Variants in LDLRAD4 observed in about 807,000 individuals in gnomAD.
The protein encoded by LDLRAD4 is low-density lipoprotein receptor class A domain-containing protein 4.
In LDLRAD4, 5 loss-of-function variants were observed where a neutral mutation model predicts 17.0. The observed-to-expected ratio is 0.29, with a 90% CI of 0.15 to 0.62. The LOEUF (loss-of-function observed/expected upper bound fraction) is 0.62, where lower values mean the gene tolerates loss of function less well. LDLRAD4 is among the 20% of genes least tolerant of loss of function. LDLRAD4 has a pLI of 0.84. For synonymous variants in LDLRAD4, 168 were observed against 171.8 expected, an observed-to-expected ratio of 0.98 and a Z score of 0.17; for missense variants, 340 against 424.7, an observed-to-expected ratio of 0.80 and a Z score of 1.75.
At chr18:13,557,083 C>A (rs1175077356) in intron 3 of LDLRAD4, among the ~76,000 whole-genome samples, 1 of 151,940 alleles carries the variant, frequency 6.6e-6, no homozygotes, top group African/African-American at 2.4e-5. Flanking sequence ...TCACTTGAGC[C>A]CAGGAGTTTG....
intron 2 of LDLRAD4, among the ~76,000 whole-genome samples, chr18:13,418,757 A>G (rs141321209): frequency 6.1e-4 from 93 of 152,340 alleles, no homozygotes; most frequent in African/African-American, 2.1e-3. Flanking sequence ...TTCAGTCTAC[A>G]TTCATTCCAA....
At chr18:13,555,886 T>TTG (rs10658087) in intron 3 of LDLRAD4, among the ~76,000 whole-genome samples, 7 of 152,094 alleles carry the variant, frequency 4.6e-5, no homozygotes, top group Admixed American at 1.3e-4. Flanking sequence ...GGAAAGCAGT[T>TTG]TGTGTGAATT....
At chr18:13,628,196 G>T (rs542680100) in intron 4 of LDLRAD4, among the ~76,000 whole-genome samples, 23 of 152,222 alleles carry the variant, frequency 1.5e-4, no homozygotes, top group Admixed American at 5.9e-4. Context: ...TGTGGAAAAC[G>T]ATGGAAAGGA....
chr18:13,373,333 A>G (rs2084662782), intron 1 of LDLRAD4, among the ~76,000 whole-genome samples: 2 of 152,220 alleles, frequency 1.3e-5, no homozygotes. Context: ...GACATTATAC[A>G]CATATGTATA....
At chr18:13,275,406 A>G (rs1353002232), upstream of LDLRAD4, among the ~76,000 whole-genome samples, 2 of 152,256 alleles carry the variant, frequency 1.3e-5, no homozygotes, top group African/African-American at 4.8e-5. Context: ...GGGGTAGAAC[A>G]TGAAGCCAAA....
rs1405062170 is a variant in LDLRAD4, at chr18:13,315,772, G to A, written c.-383+37584G>A. ...GCACTCCAGCCTGGGCAACAAGAGT[G>A]AAACTCCGTCTAAAAAAAAAAAAAA... On this transcript the variant is annotated intron_variant, in intron 1 of 5. Coordinates refer to ENST00000359446, the Ensembl canonical transcript of LDLRAD4. Among the ~76,000 whole-genome samples, 5 of 133,926 alleles carry A rather than the reference G, an allele frequency of 3.7e-5. 1 individual carries two copies. Among genetic ancestry groups the A allele is most frequent in the Non-Finnish European group, 6.2e-5 (4 of 64,846 alleles). 87.9% of individuals were successfully genotyped at this position (133,926 alleles called of 152,430 possible).
intron 1 of LDLRAD4, among the ~76,000 whole-genome samples, chr18:13,260,684 A>G (rs1192797500): frequency 1.3e-5 from 2 of 152,144 alleles, no homozygotes; most frequent in Non-Finnish European, 2.9e-5. Flanking sequence ...CCCTCCTTAC[A>G]GATGTCTGTC....
At chr18:13,348,443 A>C (rs57130862) in intron 1 of LDLRAD4, among the ~76,000 whole-genome samples, 1,879 of 152,272 alleles carry the variant, frequency 0.012, 18 homozygotes, top group African/African-American at 0.034. Context: ...GTTTTGTCTC[A>C]GAGGAGTACC....
intron 1 of LDLRAD4, among the ~76,000 whole-genome samples, chr18:13,332,863 C>G (rs2081936419): frequency 6.6e-6 from 1 of 151,946 alleles, no homozygotes; most frequent in Non-Finnish European, 1.5e-5. Context: ...ATGAATAAAG[C>G]TGCTATAAGT....
At chr18:13,374,799 G>A (rs569651685) in intron 1 of LDLRAD4, among the ~76,000 whole-genome samples, 3 of 152,338 alleles carry the variant, frequency 2.0e-5, no homozygotes, top group Non-Finnish European at 2.9e-5. Flanking sequence ...GAAGTCTGCA[G>A]CAGCTTCAAT....
chr18:13,520,415 A>G (rs2093935265), intron 3 of LDLRAD4: 1 of 152,220 alleles, frequency 6.6e-6, no homozygotes, highest in South Asian at 2.1e-4. Flanking sequence ...TGAGATATTA[A>G]TAGATGTCTC....
At chr18:13,444,628 T>G (rs1300708764) in intron 3 of LDLRAD4, among the ~76,000 whole-genome samples, 1 of 152,194 alleles carries the variant, frequency 6.6e-6, no homozygotes, top group African/African-American at 2.4e-5. Context: ...GAGTGTTGAC[T>G]GGAGACTGTT....
At chr18:13,425,777 C>G (rs1426643092) in intron 2 of LDLRAD4, among the ~76,000 whole-genome samples, 1 of 152,196 alleles carries the variant, frequency 6.6e-6, no homozygotes, top group Non-Finnish European at 1.5e-5. Context: ...GAGGCTCTGA[C>G]ACCATCCTGC....
rs1294727361 is a variant in LDLRAD4 at position 13,398,451 on chromosome 18, G to GA, written c.40+10697dup. ...TACCACAGTGAACATAAACAGTTTT[G>GA]AAAAAAAAGAAAATTGCTGAAATAC... On this transcript the variant is annotated intron_variant, in intron 2 of 5. Transcript: ENST00000359446. This position sits in a 1 kb window ranked among gnomAD's most constrained non-coding sequence, Gnocchi z 4.8. Among the ~76,000 whole-genome samples the GA allele has an allele frequency of 1.3e-5, 2 of 151,572 alleles. No homozygotes were observed. Among genetic ancestry groups the GA allele is most frequent in the African/African-American group, 2.4e-5 (1 of 41,234 alleles).
chr18:13,562,373 G>C (rs28482995), intron 3 of LDLRAD4, among the ~76,000 whole-genome samples: 1 of 152,114 alleles, frequency 6.6e-6, no homozygotes, highest in Non-Finnish European at 1.5e-5. Context: ...AGCCTGCCTC[G>C]TTTCTCCACT....
chr18:13,605,712 A>G (rs2095216284), intron 3 of LDLRAD4, among the ~76,000 whole-genome samples: 1 of 152,086 alleles, frequency 6.6e-6, no homozygotes, highest in African/African-American at 2.4e-5. Flanking sequence ...GTGCACACAA[A>G]CTCTGTTTGT....
chr18:13,272,679 T>C (rs2146145425), intron 1 of LDLRAD4, among the ~76,000 whole-genome samples: 1 of 152,352 alleles, frequency 6.6e-6, no homozygotes, highest in African/African-American at 2.4e-5. Flanking sequence ...TGCTTTAGGC[T>C]GCTGCGGGGA....
chr18:13,236,871 ACTCC>A (rs1194954249), intron 1 of LDLRAD4, among the ~76,000 whole-genome samples: 3 of 151,314 alleles, frequency 2.0e-5, no homozygotes, highest in Non-Finnish European at 2.9e-5. Context: ...GGAACTGTGG[ACTCC>A]CTCCCTCCCT....
chr18:13,408,238 G>C (rs2087954953), intron 2 of LDLRAD4, among the ~76,000 whole-genome samples: 1 of 151,902 alleles, frequency 6.6e-6, no homozygotes, highest in Non-Finnish European at 1.5e-5. Flanking sequence ...GCCAGGTGTG[G>C]TGGTGCAGGC....
Sources: gnomAD v4.1 joint callset for allele counts (sites outside exome capture counted in the v4.1 genomes callset) on GRCh38, gnomAD v4.1.1 for gene constraint, Gnocchi (gnomAD v3.1) non-coding constraint, MANE v1.5 for transcripts, NCBI Gene and HGNC (gene_info 2026-07-23, HGNC 2026-07-21) for gene names.